Variants in NMRK1 observed in about 807,000 individuals in gnomAD.
NMRK1 encodes nicotinamide riboside kinase 1.
Under a neutral mutation model 29.9 loss-of-function variants are expected in NMRK1, and 28 were observed. The ratio of observed to expected loss-of-function variants is 0.94; its 90% CI spans 0.69 to 1.28. NMRK1 has a LOEUF of 1.28. NMRK1 is among the 50% of genes most tolerant of loss of function. The pLI is 0.00. For synonymous variants in NMRK1, 58 were observed against 73.0 expected, an observed-to-expected ratio of 0.79 and a Z score of 1.05; for missense variants, 218 against 233.1, an observed-to-expected ratio of 0.94 and a Z score of 0.42.
intron 5 of NMRK1, 21 bp downstream of exon 5, chr9:75,069,874 T>C: frequency 6.2e-7 from 1 of 1,612,622 alleles, no homozygotes; most frequent in Non-Finnish European, 8.5e-7. Context: ...TCAGAGACAA[T>C]ATTAGGGTGG....
intron 8 of NMRK1, among the ~76,000 whole-genome samples, chr9:75,064,656 G>T (rs1025974654): frequency 2.0e-5 from 3 of 152,146 alleles, no homozygotes; most frequent in African/African-American, 7.2e-5. Context: ...ACAATGTTTA[G>T]GATCAATGAG....
intron 8 of NMRK1, among the ~76,000 whole-genome samples, chr9:75,066,007 T>A (rs1823316871): frequency 6.6e-6 from 1 of 152,154 alleles, no homozygotes; most frequent in Non-Finnish European, 1.5e-5. Context: ...AAATAAACCC[T>A]AAATAGAAAG....
chr9:75,064,327 CA>C (rs1024690097), intron 8 of NMRK1, among the ~76,000 whole-genome samples: 29 of 152,318 alleles, frequency 1.9e-4, no homozygotes, highest in African/African-American at 6.7e-4. Flanking sequence ...AGGTGTCCAA[CA>C]GCTGAAACAC....
intron 2 of NMRK1, among the ~76,000 whole-genome samples, chr9:75,077,837 T>G (rs551804196): frequency 6.6e-6 from 1 of 152,152 alleles, no homozygotes; most frequent in Non-Finnish European, 1.5e-5. Context: ...GGTTTCGCCA[T>G]GTTAGACAGG....
intron 2 of NMRK1, among the ~76,000 whole-genome samples, chr9:75,077,951 A>ATT (rs1184461607): frequency 1.3e-5 from 2 of 152,172 alleles, no homozygotes; most frequent in East Asian, 3.9e-4. Context: ...CTTTAAAATA[A>ATT]TTTTTTAAGA....
At chr9:75,084,371 G>T (rs866060577) in intron 1 of NMRK1, among the ~76,000 whole-genome samples, 2 of 152,206 alleles carry the variant, frequency 1.3e-5, no homozygotes, top group South Asian at 2.1e-4. Flanking sequence ...AAGCCTGGTG[G>T]GAAGAGGGCT....
At chr9:75,067,051 C>A in intron 7 of NMRK1, 1 of 421,218 alleles carries the variant, frequency 2.4e-6, no homozygotes, top group Non-Finnish European at 4.2e-6. Context: ...ACAGATAAAT[C>A]CACACTGGCT....
At chr9:75,083,239 TGA>T in intron 1 of NMRK1, 89 bp from the exon 2 acceptor site, 1 of 704,836 alleles carries the variant, frequency 1.4e-6, no homozygotes, top group Admixed American at 2.2e-5. Context: ...GAGCACCAGC[TGA>T]GAGGGGAGGA....
At chr9:75,083,502 G>A (rs1824441858) in intron 1 of NMRK1, among the ~76,000 whole-genome samples, 1 of 152,182 alleles carries the variant, frequency 6.6e-6, no homozygotes, top group Non-Finnish European at 1.5e-5. Flanking sequence ...CGATTCAGTC[G>A]CCTGGGTATG....
intron 4 of NMRK1, among the ~76,000 whole-genome samples, chr9:75,073,979 C>G (rs915214298): frequency 6.6e-6 from 1 of 152,128 alleles, no homozygotes; most frequent in Admixed American, 6.5e-5. Flanking sequence ...TATAACAGTT[C>G]TTTCAGTAGG....
intron 2 of NMRK1, 123 bp downstream of exon 2, chr9:75,082,964 G>GGTCT (rs1564142022): frequency 2.7e-6 from 2 of 732,502 alleles, no homozygotes; most frequent in Non-Finnish European, 4.9e-6. Context: ...ATTCCACAGT[G>GGTCT]GTCTGCTCTT....
In NMRK1 at chr9:75,061,146, CACAT is replaced by C. The variant is rs1822999207; in HGVS notation, c.*398_*401del. Reference sequence around the variant, plus strand: ...TTGATGTATGTATGTATCACACACACACATACACACCTACACACAAATACATAAA... The same window carrying C: ...TTGATGTATGTATGTATCACACACACACACACCTACACACAAATACATAAA... On this transcript the variant is annotated 3_prime_UTR_variant, in exon 9 of 9. Coordinates refer to ENST00000361092, the MANE Select transcript of NMRK1 (RefSeq NM_017881.3). The C allele has an allele frequency of 5.4e-6, 1 of 183,578 alleles. No individual in the cohort carries two copies. The highest frequency in any genetic ancestry group is 1.1e-5 in the Non-Finnish European group (1 of 87,292). The allele number at this position is 183,578 out of a possible 1,614,324, so 11.4% of individuals were successfully genotyped here. A position where few individuals can be genotyped will look rare whatever the true frequency, so the allele number is the denominator to read the frequency against.
At chr9:75,078,301 A>C in intron 2 of NMRK1, 1 of 1,557,766 alleles carries the variant, frequency 6.4e-7, no homozygotes, top group African/African-American at 1.4e-5. Context: ...AAAACAGAGG[A>C]GTGGCTTATT....
chr9:75,063,788 T>C (rs966415258), intron 8 of NMRK1, among the ~76,000 whole-genome samples: 55 of 152,274 alleles, frequency 3.6e-4, no homozygotes, highest in African/African-American at 1.2e-3. Flanking sequence ...TAAACCAGGC[T>C]ATGCTGAGGG....
chr9:75,073,816 A>G (rs1473754805), intron 4 of NMRK1, among the ~76,000 whole-genome samples: 1 of 152,198 alleles, frequency 6.6e-6, no homozygotes, highest in African/African-American at 2.4e-5. Context: ...TAGCTCTGTC[A>G]GTGTTTACTT....
intron 4 of NMRK1, among the ~76,000 whole-genome samples, chr9:75,075,685 G>A (rs1823948420): frequency 6.6e-6 from 1 of 152,158 alleles, no homozygotes; most frequent in South Asian, 2.1e-4. Context: ...CTTGGAGTAA[G>A]GAATGAGGAG....
Position 75,061,263 on chromosome 9 carries a change from T to C in NMRK1, c.*285A>G. 1 of 370,544 alleles carries C rather than the reference T, an allele frequency of 2.7e-6. No homozygotes were observed. The highest frequency in any genetic ancestry group is 4.8e-6 in the Non-Finnish European group (1 of 206,300). 23.0% of individuals were successfully genotyped at this position (370,544 alleles called of 1,614,324 possible). ...CCAGTTAGAAAAGTTTGACAATCATTGTTATAGAGCTATGTTCAGAAAGTG... is the reference window on the plus strand; with the variant it reads ...CCAGTTAGAAAAGTTTGACAATCATCGTTATAGAGCTATGTTCAGAAAGTG... On this transcript the variant is annotated 3_prime_UTR_variant, in exon 9 of 9. Transcript: ENST00000361092.
chr9:75,064,941 T>C (rs1823252460), intron 8 of NMRK1, among the ~76,000 whole-genome samples: 1 of 152,186 alleles, frequency 6.6e-6, no homozygotes, highest in African/African-American at 2.4e-5. Context: ...CCCTTAAGCA[T>C]GTTTTTTCGA....
At chr9:75,066,303 A>G in intron 8 of NMRK1, 1 of 517,464 alleles carries the variant, frequency 1.9e-6, no homozygotes, top group South Asian at 1.4e-5. Context: ...TGAAAACCTT[A>G]AACAAACACT....
Sources: allele counts gnomAD v4.1 joint callset (sites outside exome capture counted in the v4.1 genomes callset), GRCh38; gene constraint gnomAD v4.1.1; transcripts MANE v1.5; gene names NCBI Gene and HGNC (gene_info 2026-07-23, HGNC 2026-07-21).